Variants in KCNB2 observed in about 807,000 individuals in gnomAD.
The protein encoded by KCNB2 is potassium voltage-gated channel subfamily B member 2, also known as delayed rectifier potassium channel protein.
A neutral mutation model predicts 61.5 loss-of-function variants in KCNB2; 15 were observed. The observed-to-expected ratio is 0.24, with a 90% CI of 0.16 to 0.38. The LOEUF (loss-of-function observed/expected upper bound fraction) is 0.38. Among genes scored for constraint, KCNB2 ranks in the 10% least tolerant of loss-of-function variants. KCNB2 has a pLI of 1.00. For synonymous variants in KCNB2, 457 were observed against 446.0 expected (o/e 1.02, Z -0.31); for missense variants, 828 against 1,125.2 (o/e 0.74, Z 3.78).
intron 2 of KCNB2, among the ~76,000 whole-genome samples, chr8:72,579,881 GA>G (rs937472210): frequency 1.1e-4 from 17 of 152,156 alleles, no homozygotes; most frequent in African/African-American, 3.9e-4. Flanking sequence ...CAGCCTGGGG[GA>G]AAAAAAGGAA....
intron 2 of KCNB2, among the ~76,000 whole-genome samples, chr8:72,729,049 A>G (rs1414720655): frequency 6.6e-6 from 1 of 152,194 alleles, no homozygotes; most frequent in Non-Finnish European, 1.5e-5. Flanking sequence ...CCTGGCAATT[A>G]AAGTGATCAA....
chr8:72,906,081 G>A (rs1806171895), intron 2 of KCNB2, among the ~76,000 whole-genome samples: 1 of 152,186 alleles, frequency 6.6e-6, no homozygotes, highest in Non-Finnish European at 1.5e-5. Flanking sequence ...CTCGAAAGCT[G>A]CCATTTTCAT....
In KCNB2 at chr8:72,915,695, G is replaced by A. The variant is rs888947651; in HGVS notation, c.580-20240G>A. ...AGCACTTTGGGAGGCTGAGGCGGGC[G>A]GATCATGAGGTCAGGAGATCAATAC... On this transcript the variant is annotated intron_variant, in intron 2 of 2. Coordinates refer to ENST00000523207, the MANE Select transcript of KCNB2 (RefSeq NM_004770.3). Among the ~76,000 whole-genome samples the A allele has an allele frequency of 5.3e-5, 8 of 152,066 alleles. No individual in the cohort carries two copies. The East Asian group carries it at 5.8e-4, about 11-fold the overall frequency.
chr8:72,630,981 T>C (rs1189787358), intron 2 of KCNB2, among the ~76,000 whole-genome samples: 1 of 152,218 alleles, frequency 6.6e-6, no homozygotes, highest in Non-Finnish European at 1.5e-5. Flanking sequence ...CTATAGATAG[T>C]ACTGAACCCT....
At chr8:72,839,859 C>T (rs1216514628) in intron 2 of KCNB2, among the ~76,000 whole-genome samples, 10 of 151,742 alleles carry the variant, frequency 6.6e-5, no homozygotes, top group East Asian at 1.9e-4. Flanking sequence ...GTGATCCACC[C>T]GCCTCCGCCT....
At chr8:72,691,495 T>TC (rs1806940005) in intron 2 of KCNB2, among the ~76,000 whole-genome samples, 1 of 152,238 alleles carries the variant, frequency 6.6e-6, no homozygotes, top group African/African-American at 2.4e-5. Context: ...TAGTTTTTTT[T>TC]CACGCATAAT....
chr8:72,909,423 G>A (rs1007446876), intron 2 of KCNB2, among the ~76,000 whole-genome samples: 2 of 152,142 alleles, frequency 1.3e-5, no homozygotes, highest in Non-Finnish European at 2.9e-5. Flanking sequence ...TGGAGGAGAG[G>A]AGCGGCAGGA....
intron 2 of KCNB2, among the ~76,000 whole-genome samples, chr8:72,742,307 G>A (rs375475079): frequency 9.9e-5 from 15 of 152,126 alleles, no homozygotes; most frequent in African/African-American, 3.4e-4. Context: ...TTCAGCACAG[G>A]TCTGTAAAAA....
At chr8:72,586,681 G>A (rs1267967072) in intron 2 of KCNB2, among the ~76,000 whole-genome samples, 1 of 152,166 alleles carries the variant, frequency 6.6e-6, no homozygotes, top group African/African-American at 2.4e-5. Context: ...AAAAACTAAA[G>A]CTTAGAGAGA....
chr8:72,693,441 G>A (rs1430164503), intron 2 of KCNB2, among the ~76,000 whole-genome samples: 1 of 152,070 alleles, frequency 6.6e-6, no homozygotes, highest in Non-Finnish European at 1.5e-5. Context: ...GGTTCTCAGG[G>A]GCTTGAGAGA....
intron 2 of KCNB2, among the ~76,000 whole-genome samples, chr8:72,621,890 G>A (rs1805718630): frequency 6.6e-6 from 1 of 152,118 alleles, no homozygotes; most frequent in Admixed American, 6.5e-5. Context: ...CATCTCATAA[G>A]TGTTTGTAGT....
chr8:72,865,616 A>T (rs961770436), intron 2 of KCNB2, among the ~76,000 whole-genome samples: 1 of 152,210 alleles, frequency 6.6e-6, no homozygotes, highest in African/African-American at 2.4e-5. Flanking sequence ...CGTTGCTTAC[A>T]TAAGAGCCAT....
chr8:72,812,200 G>A (rs987627484), intron 2 of KCNB2, among the ~76,000 whole-genome samples: 17 of 151,926 alleles, frequency 1.1e-4, no homozygotes, highest in South Asian at 2.1e-4. Context: ...CCTGGGAGGC[G>A]GAGGTTACAG....
At chr8:72,567,414 T>C (rs1806640599) in intron 1 of KCNB2, among the ~76,000 whole-genome samples, 1 of 152,178 alleles carries the variant, frequency 6.6e-6, no homozygotes, top group Admixed American at 6.5e-5. Context: ...TATATATCAC[T>C]GAATACACAA....
intron 2 of KCNB2, among the ~76,000 whole-genome samples, chr8:72,747,398 T>G (rs1046435566): frequency 2.0e-5 from 3 of 151,970 alleles, no homozygotes; most frequent in Non-Finnish European, 2.9e-5. Flanking sequence ...TGGTTGGGGG[T>G]ATGGGCTCTG....
intron 2 of KCNB2, among the ~76,000 whole-genome samples, chr8:72,743,184 T>C (rs760954893): frequency 2.6e-5 from 4 of 152,226 alleles, no homozygotes; most frequent in Non-Finnish European, 5.9e-5. Flanking sequence ...GGACCTTGAA[T>C]TGCAGCTAAA....
chr8:72,671,667 T>C (rs1806567650), intron 2 of KCNB2, among the ~76,000 whole-genome samples: 1 of 152,312 alleles, frequency 6.6e-6, no homozygotes, highest in African/African-American at 2.4e-5. Context: ...CTGTAGTTTC[T>C]TACTTCAAAA....
chr8:72,629,384 C>T (rs1805844532), intron 2 of KCNB2, among the ~76,000 whole-genome samples: 1 of 152,180 alleles, frequency 6.6e-6, no homozygotes. Context: ...CCACACTTAA[C>T]AATCTGTTCT....
chr8:72,873,134 C>T (rs915913643), intron 2 of KCNB2, among the ~76,000 whole-genome samples: 3 of 152,224 alleles, frequency 2.0e-5, no homozygotes, highest in Non-Finnish European at 4.4e-5. Flanking sequence ...CACAACTGAG[C>T]ATCTCAGTGG....
Sources: gnomAD v4.1 joint callset for allele counts (sites outside exome capture counted in the v4.1 genomes callset) on GRCh38, gnomAD v4.1.1 for gene constraint, MANE v1.5 for transcripts, NCBI Gene and HGNC (gene_info 2026-07-23, HGNC 2026-07-21) for gene names.